Variants in GRIK3 observed in about 807,000 individuals in gnomAD.
GRIK3 encodes the protein glutamate receptor ionotropic, kainate 3.
A neutral mutation model predicts 102.5 loss-of-function variants in GRIK3; 29 were observed. That is an observed-to-expected ratio of 0.28 (90% confidence interval 0.21 to 0.39). The LOEUF (loss-of-function observed/expected upper bound fraction) is 0.39, where lower values mean the gene tolerates loss of function less well. GRIK3 is among the 10% of genes least tolerant of loss of function. The pLI is 1.00. For missense variants in GRIK3, 908 were observed against 1,252.4 expected (o/e 0.73, Z 4.15); for synonymous variants, 511 against 504.9 (o/e 1.01, Z -0.16).
intron 1 of GRIK3, among the ~76,000 whole-genome samples, chr1:36,953,813 C>T (rs181468496): frequency 4.4e-4 from 67 of 152,202 alleles, no homozygotes; most frequent in African/African-American, 1.6e-3. Context: ...AGGCTTCACT[C>T]GCTCCGCAGC....
chr1:37,028,822 C>A (rs1157935914), intron 1 of GRIK3, among the ~76,000 whole-genome samples: 1 of 152,194 alleles, frequency 6.6e-6, no homozygotes, highest in Non-Finnish European at 1.5e-5. Context: ...AGTTCCCTCA[C>A]CTGTAAAATG....
intron 3 of GRIK3, among the ~76,000 whole-genome samples, chr1:36,873,711 G>A (rs1640870350): frequency 6.6e-6 from 1 of 151,558 alleles, no homozygotes; most frequent in African/African-American, 2.4e-5. Flanking sequence ...TAGTTTCTGT[G>A]ACTCAGGAGG....
intron 1 of GRIK3, among the ~76,000 whole-genome samples, chr1:37,022,595 G>A (rs148268994): frequency 4.7e-4 from 72 of 152,296 alleles, no homozygotes; most frequent in African/African-American, 1.7e-3. Flanking sequence ...AAAAGTTGCA[G>A]AACTGGTGTG....
intron 1 of GRIK3, among the ~76,000 whole-genome samples, chr1:36,898,998 G>T (rs181378381): frequency 6.6e-6 from 1 of 152,196 alleles, no homozygotes; most frequent in East Asian, 1.9e-4. Flanking sequence ...AATGAATTTG[G>T]ATCCTTACTT....
In GRIK3 at chr1:36,850,198, C is replaced by T; in HGVS notation, c.1326+113G>A. The T allele has an allele frequency of 2.9e-6, 2 of 694,350 alleles. No individual in the cohort carries two copies. The highest frequency in any genetic ancestry group is 5.2e-6 in the Non-Finnish European group (2 of 385,712). 43.0% of individuals were successfully genotyped at this position (694,350 alleles called of 1,614,324 possible). The stretch of plus-strand genomic sequence containing the variant: ...TCCTGCTGACTCTAAAAGTCTCCAC[C>T]TACCTGCAGCCTCCATCTTCTGGGT... On this transcript the variant is annotated intron_variant, in intron 9 of 15. Coordinates refer to ENST00000373091, the MANE Select transcript of GRIK3 (RefSeq NM_000831.4). The surrounding 1 kb of genome is among the most constrained non-coding windows in gnomAD (Gnocchi z 4.0).
rs768987758 is a variant in GRIK3, at chr1:36,982,437, G to A, written c.115+51557C>T. ...CTCTGCCAGCAGCTGAAAGCCTCGCGTCCTTGCTACTTAATGTGTGGCATA... is the reference window on the plus strand; with the variant it reads ...CTCTGCCAGCAGCTGAAAGCCTCGCATCCTTGCTACTTAATGTGTGGCATA... On this transcript the variant is annotated intron_variant, in intron 1 of 15. Transcript: ENST00000373091. Among the ~76,000 whole-genome samples the A allele has an allele frequency of 5.9e-5, 9 of 152,364 alleles. No individual in the cohort carries two copies. The Middle Eastern group carries it at 0.01, about 173-fold the overall frequency.
chr1:36,961,139 T>C (rs1445356835), intron 1 of GRIK3, among the ~76,000 whole-genome samples: 4 of 152,210 alleles, frequency 2.6e-5, no homozygotes, highest in Non-Finnish European at 5.9e-5. Context: ...CCCCTGCACA[T>C]GGAGGTAGGC....
chr1:36,993,796 G>T (rs544765942), intron 1 of GRIK3, among the ~76,000 whole-genome samples: 13 of 152,274 alleles, frequency 8.5e-5, no homozygotes, highest in South Asian at 8.3e-4. Context: ...GGCCCATATC[G>T]AATAACTGAC....
Position 36,880,526 on chromosome 1 carries a change from A to G in GRIK3, c.550+108T>C. On this transcript the variant is annotated intron_variant, in intron 3 of 15. Coordinates refer to ENST00000373091, the MANE Select transcript of GRIK3 (RefSeq NM_000831.4). This position sits in a 1 kb window ranked among gnomAD's most constrained non-coding sequence, Gnocchi z 5.4. ...CGAGTGGAACTGGGGTATGGAACAC[A>G]GCCTCTTCCCCCAGGGCAGCTGTGC... is the stretch of plus-strand genomic sequence containing the variant. The G allele has an allele frequency of 8.9e-7, 1 of 1,121,204 alleles. No homozygotes were observed. Among genetic ancestry groups the G allele is most frequent in the Non-Finnish European group, 1.3e-6 (1 of 751,590 alleles). 69.5% of individuals were successfully genotyped at this position (1,121,204 alleles called of 1,614,324 possible).
At chr1:36,985,018 C>T (rs775558819) in intron 1 of GRIK3, among the ~76,000 whole-genome samples, 7 of 152,210 alleles carry the variant, frequency 4.6e-5, no homozygotes, top group South Asian at 2.1e-4. Flanking sequence ...CCGTGAAGCC[C>T]GGGCAGGAAC....
intron 1 of GRIK3, among the ~76,000 whole-genome samples, chr1:36,919,940 A>G (rs755379869): frequency 6.6e-5 from 10 of 152,248 alleles, no homozygotes; most frequent in Non-Finnish European, 1.3e-4. Context: ...TGCCATCAGC[A>G]GATGCATGCA....
At chr1:36,808,723 T>C (rs563129714) in intron 13 of GRIK3, among the ~76,000 whole-genome samples, 1 of 152,308 alleles carries the variant, frequency 6.6e-6, no homozygotes, top group South Asian at 2.1e-4. Context: ...CTGCCTAGAT[T>C]CCTGACCCAC....
chr1:36,843,287 C>T (rs1459709614), intron 9 of GRIK3, among the ~76,000 whole-genome samples: 1 of 152,156 alleles, frequency 6.6e-6, no homozygotes, highest in Non-Finnish European at 1.5e-5. Flanking sequence ...CTCACAAAGC[C>T]CCATCCCGTG....
At chr1:36,932,606 C>T (rs1175805753) in intron 1 of GRIK3, among the ~76,000 whole-genome samples, 3 of 152,226 alleles carry the variant, frequency 2.0e-5, no homozygotes, top group African/African-American at 7.2e-5. Flanking sequence ...ACTTTTACAG[C>T]CAGTGGCACA....
Position 36,934,846 on chromosome 1 carries a change from C to T in GRIK3, c.116-43750G>A, listed in dbSNP as rs528702325. ...AAAGTTCCAATCCCAAGGCAACTGC[C>T]AGTTCTCTTCTCTTCTCTTTCATCT... On this transcript the variant is annotated intron_variant, in intron 1 of 15. Transcript: ENST00000373091. 2.6e-5 allele frequency among the ~76,000 whole-genome samples: 4 copies of T among 152,276 alleles called. No individual in the cohort carries two copies. The South Asian group carries it at 8.3e-4, about 32-fold the overall frequency.
At chr1:37,001,321 A>G (rs1642473460) in intron 1 of GRIK3, among the ~76,000 whole-genome samples, 2 of 152,220 alleles carry the variant, frequency 1.3e-5, no homozygotes, top group South Asian at 4.1e-4. Context: ...AGCAAAAATC[A>G]ATTGTATTTG....
In GRIK3 at chr1:36,851,413, C is replaced by T. The variant is rs548084787; in HGVS notation, c.1213-989G>A. Among the ~76,000 whole-genome samples, 266 of 152,346 alleles carry T rather than the reference C, an allele frequency of 1.7e-3. 3 individuals carry two copies. Among genetic ancestry groups the T allele is most frequent in the African/African-American group, 5.8e-3 (240 of 41,582 alleles). ...GGGCGGGATCCCTGCCTACATAGACCACCCAGGGCCTTGAGGAGAGGAAAG... is the reference window on the plus strand; with the variant it reads ...GGGCGGGATCCCTGCCTACATAGACTACCCAGGGCCTTGAGGAGAGGAAAG... On this transcript the variant is annotated intron_variant, in intron 8 of 15. Coordinates refer to ENST00000373091, the MANE Select transcript of GRIK3 (RefSeq NM_000831.4).
chr1:36,923,413 C>T (rs1292913125), intron 1 of GRIK3, among the ~76,000 whole-genome samples: 1 of 152,188 alleles, frequency 6.6e-6, no homozygotes, highest in Non-Finnish European at 1.5e-5. Context: ...ATCCCCAGGT[C>T]TGACTGGAGA....
At chr1:36,953,954 C>T (rs1641874677) in intron 1 of GRIK3, among the ~76,000 whole-genome samples, 1 of 152,200 alleles carries the variant, frequency 6.6e-6, no homozygotes, top group Non-Finnish European at 1.5e-5. Flanking sequence ...GCCCCTGTCT[C>T]CCAAGGGTAC....
Sources: gnomAD v4.1 joint callset for allele counts (sites outside exome capture counted in the v4.1 genomes callset) on GRCh38, gnomAD v4.1.1 for gene constraint, Gnocchi (gnomAD v3.1) non-coding constraint, MANE v1.5 for transcripts, NCBI Gene and HGNC (gene_info 2026-07-23, HGNC 2026-07-21) for gene names.